The following SORBS2 variants were observed in gnomAD, a reference collection of about 807,000 sequenced individuals.
SORBS2 encodes sorbin and SH3 domain containing 2.
A neutral mutation model predicts 97.7 loss-of-function variants in SORBS2; 46 were observed. The ratio of observed to expected loss-of-function variants is 0.47; its 90% CI spans 0.37 to 0.60. The LOEUF is 0.60. Ranked by LOEUF, SORBS2 falls within the 20% of genes least tolerant of loss-of-function variation. The probability of loss-of-function intolerance (pLI) is 0.00; values close to 1 mark genes in which losing one functional copy is unlikely to be tolerated. For synonymous variants in SORBS2, 476 were observed against 473.4 expected, an observed-to-expected ratio of 1.01 and a Z score of -0.07; for missense variants, 1,316 against 1,282.3, an observed-to-expected ratio of 1.03 and a Z score of -0.40.
intron 2 of SORBS2, among the ~76,000 whole-genome samples, chr4:185,679,263 CA>C (rs1254543030): frequency 6.6e-6 from 1 of 152,064 alleles, no homozygotes; most frequent in Non-Finnish European, 1.5e-5. Context: ...CTGTAGTTCG[CA>C]TTTTTTTTTA....
At position 185,600,485 on chromosome 4, in the gene SORBS2, C is replaced by A. The variant is rs549517774; in HGVS notation, c.2797-6550G>T. On this transcript the variant is annotated intron_variant, in intron 12 of 14. Transcript: ENST00000418609. ...TCCCGAGTAGCTGGGATCACAGGCA[C>A]CCGCCACCAGGCCCAGCTAATTTTT... is the stretch of plus-strand genomic sequence containing the variant. Among the ~76,000 whole-genome samples, 632 of 152,230 alleles carry A rather than the reference C, an allele frequency of 4.2e-3. 2 individuals are homozygous for A. Among genetic ancestry groups the A allele is most frequent in the Admixed American group, 8.7e-3 (133 of 15,286 alleles).
intron 1 of SORBS2, among the ~76,000 whole-genome samples, chr4:185,848,260 A>G (rs1452006414): frequency 6.6e-6 from 1 of 152,150 alleles, no homozygotes; most frequent in Non-Finnish European, 1.5e-5. Context: ...TATTCTGGGG[A>G]AAGCCAACCT....
At chr4:185,900,804 A>T (rs1304867509) in intron 1 of SORBS2, among the ~76,000 whole-genome samples, 1 of 152,200 alleles carries the variant, frequency 6.6e-6, no homozygotes, top group Non-Finnish European at 1.5e-5. Context: ...AGAGAGAGAG[A>T]GACAGAGAGA....
intron 1 of SORBS2, among the ~76,000 whole-genome samples, chr4:185,805,290 TTTG>T (rs1322220601): frequency 3.9e-5 from 6 of 152,190 alleles, no homozygotes; most frequent in African/African-American, 1.4e-4. Context: ...TTTCTTCTCC[TTTG>T]TTTTCTGATT....
rs367839914 is a variant in SORBS2, at chr4:185,939,396, C to T, written c.-338+16800G>A. ...TTCAAATATGCTGTAATACTTCCAC[C>T]TTAACCAAAAAACAGTGTGTTCTTT... is the stretch of plus-strand genomic sequence containing the variant. On this transcript the variant is annotated intron_variant, in intron 1 of 20. Transcript: ENST00000284776. 7.2e-5 allele frequency among the ~76,000 whole-genome samples: 11 copies of T among 152,290 alleles called. No homozygotes were observed. In the East Asian group the frequency reaches 1.4e-3, roughly 19 times the overall value.
intron 1 of SORBS2, among the ~76,000 whole-genome samples, chr4:185,846,783 T>A (rs1167256628): frequency 6.6e-6 from 1 of 152,170 alleles, no homozygotes; most frequent in African/African-American, 2.4e-5. Context: ...CCCCTAGGCT[T>A]GTAATTCAAA....
chr4:185,644,381 A>G (rs557810446), intron 4 of SORBS2, among the ~76,000 whole-genome samples: 6 of 152,302 alleles, frequency 3.9e-5, no homozygotes, highest in Admixed American at 1.3e-4. Context: ...TAAGTTTCTG[A>G]TAAAGTAAAT....
chr4:185,750,629 T>C (rs1261979977), intron 2 of SORBS2, among the ~76,000 whole-genome samples: 1 of 152,176 alleles, frequency 6.6e-6, no homozygotes, highest in African/African-American at 2.4e-5. Context: ...TACACAGTTA[T>C]TTGGTACCAT....
chr4:185,654,543 G>A (rs2097365097), intron 1 of SORBS2, among the ~76,000 whole-genome samples: 1 of 152,144 alleles, frequency 6.6e-6, no homozygotes, highest in East Asian at 1.9e-4. Flanking sequence ...CCATCTGCTA[G>A]CTTTATATGG....
At chr4:185,789,951 A>G (rs2099073099) in intron 1 of SORBS2, among the ~76,000 whole-genome samples, 1 of 152,196 alleles carries the variant, frequency 6.6e-6, no homozygotes, top group Admixed American at 6.5e-5. Flanking sequence ...TTCCAAATCA[A>G]CTGGAGCAGT....
At chr4:185,952,452 T>G (rs1336271642) in intron 1 of SORBS2, among the ~76,000 whole-genome samples, 1 of 152,244 alleles carries the variant, frequency 6.6e-6, no homozygotes, top group Non-Finnish European at 1.5e-5. Context: ...CCATTGCCCA[T>G]GCCTGGGCAA....
chr4:185,709,320 T>TTTTTTTTTC (rs1181008953), intron 2 of SORBS2, among the ~76,000 whole-genome samples: 1 of 140,978 alleles, frequency 7.1e-6, no homozygotes, highest in African/African-American at 2.7e-5. Flanking sequence ...TTTTTTTTTT[T>TTTTTTTTTC]TTTTAGTAAA....
intron 5 of SORBS2, among the ~76,000 whole-genome samples, chr4:185,627,956 T>A (rs1202736143): frequency 6.6e-6 from 1 of 152,208 alleles, no homozygotes; most frequent in Non-Finnish European, 1.5e-5. Context: ...GTTGGCTTCC[T>A]GCACTCGGTG....
intron 2 of SORBS2, among the ~76,000 whole-genome samples, chr4:185,766,135 C>T (rs1453722193): frequency 1.3e-5 from 2 of 152,194 alleles, no homozygotes; most frequent in African/African-American, 4.8e-5. Flanking sequence ...CAGAATGAGG[C>T]GTGGATCCCT....
At chr4:185,952,677 C>T (rs1196287496) in intron 1 of SORBS2, among the ~76,000 whole-genome samples, 1 of 152,164 alleles carries the variant, frequency 6.6e-6, no homozygotes, top group Non-Finnish European at 1.5e-5. Flanking sequence ...AGATCAAAGT[C>T]CATCATGTAT....
rs1160319469 is a variant in SORBS2 at position 185,721,084 on chromosome 4, C to CTTTTTTTTTT, written c.-197-42272_-197-42263dup. 3.6e-3 allele frequency among the ~76,000 whole-genome samples: 335 copies of CTTTTTTTTTT among 92,148 alleles called. 18 individuals are homozygous for CTTTTTTTTTT. Among genetic ancestry groups the CTTTTTTTTTT allele is most frequent in the Middle Eastern group, 0.016 (2 of 128 alleles). The allele number at this position is 92,148 out of a possible 152,430, so 60.5% of individuals were successfully genotyped here. The stretch of plus-strand genomic sequence containing the variant: ...CCTAACTCCTGCTTTCCCACCTATT[C>CTTTTTTTTTT]TTTTTTTTTTTTTTTTTTTTTTGAG... On this transcript the variant is annotated intron_variant, in intron 2 of 20. Coordinates refer to the SORBS2 transcript ENST00000284776.
intron 2 of SORBS2, among the ~76,000 whole-genome samples, chr4:185,747,717 T>C (rs1265537112): frequency 1.3e-5 from 2 of 152,110 alleles, no homozygotes; most frequent in Non-Finnish European, 2.9e-5. Context: ...AATTGGCCTT[T>C]GCTCGGGCGC....
At chr4:185,797,524 G>A (rs1472147023) in intron 1 of SORBS2, among the ~76,000 whole-genome samples, 2 of 152,122 alleles carry the variant, frequency 1.3e-5, no homozygotes, top group Non-Finnish European at 2.9e-5. Flanking sequence ...TGATGCTGAT[G>A]ACAAAAATAG....
intron 7 of SORBS2, among the ~76,000 whole-genome samples, chr4:185,622,004 A>G (rs1424101170): frequency 6.6e-6 from 1 of 152,240 alleles, no homozygotes; most frequent in Admixed American, 6.5e-5. Context: ...TCAGCCCGGA[A>G]TGTTCATTCC....
Sources: allele counts gnomAD v4.1 joint callset (sites outside exome capture counted in the v4.1 genomes callset), GRCh38; gene constraint gnomAD v4.1.1; transcripts MANE v1.5; gene names NCBI Gene and HGNC (gene_info 2026-07-23, HGNC 2026-07-21).